Variants in FAM135B observed in about 807,000 individuals in gnomAD.
FAM135B encodes protein FAM135B.
FAM135B carries 43 observed loss-of-function variants against 127.7 expected under a neutral mutation model. The observed-to-expected ratio is 0.34, with a 90% CI of 0.26 to 0.43. The LOEUF is 0.43. Ranked by LOEUF, FAM135B falls within the 20% of genes least tolerant of loss-of-function variation. FAM135B has a pLI of 1.00. For synonymous variants in FAM135B, 670 were observed against 665.1 expected (o/e 1.01, Z -0.11); for missense variants, 1,558 against 1,725.6 (o/e 0.90, Z 1.72).
intron 1 of FAM135B, among the ~76,000 whole-genome samples, chr8:138,481,888 C>A (rs762120835): frequency 1.3e-5 from 2 of 152,138 alleles, no homozygotes. Flanking sequence ...CAAGGCCAGA[C>A]CTAACTTTAG....
rs752002338 is a variant in FAM135B, at chr8:138,299,955, GAGT to G, written c.157+10883_157+10885del. On this transcript the variant is annotated intron_variant, in intron 3 of 19. Coordinates refer to ENST00000395297, the MANE Select transcript of FAM135B (RefSeq NM_015912.4). Reference sequence around the variant, plus strand: ...TAGGAAGTGGGATCACCAAAAGTGAGAGTGGTATTTATTTATTTATTTATTTAT... The same window carrying G: ...TAGGAAGTGGGATCACCAAAAGTGAGGGTATTTATTTATTTATTTATTTAT... Among the ~76,000 whole-genome samples the G allele has an allele frequency of 1.1e-3, 165 of 151,572 alleles. 2 individuals carry two copies. The highest frequency in any genetic ancestry group is 1.4e-3 in the Non-Finnish European group (97 of 67,698).
At chr8:138,463,845 T>A (rs536272302) in intron 1 of FAM135B, among the ~76,000 whole-genome samples, 16 of 152,124 alleles carry the variant, frequency 1.1e-4, no homozygotes, top group Non-Finnish European at 1.8e-4. Context: ...TTTGAAGATA[T>A]AAAGAAAGGC....
chr8:138,203,153 G>C (rs538372770), intron 7 of FAM135B, among the ~76,000 whole-genome samples: 155 of 152,094 alleles, frequency 1.0e-3, no homozygotes, highest in Non-Finnish European at 1.7e-3. Context: ...AGCTTAGCTT[G>C]TTATCAACTC....
chr8:138,412,584 T>C (rs73432163), intron 1 of FAM135B, among the ~76,000 whole-genome samples: 12,315 of 152,186 alleles, frequency 0.081, 634 homozygotes, highest in East Asian at 0.2. Context: ...TGGTCCGACT[T>C]TGCTTCTGTC....
chr8:138,320,768 C>A (rs1326300112), intron 2 of FAM135B, among the ~76,000 whole-genome samples: 2 of 152,084 alleles, frequency 1.3e-5, no homozygotes, highest in Non-Finnish European at 2.9e-5. Flanking sequence ...CAATAAATGC[C>A]AGGTGAAGGA....
chr8:138,260,888 A>G (rs912836635), intron 4 of FAM135B, among the ~76,000 whole-genome samples: 19 of 152,056 alleles, frequency 1.2e-4, no homozygotes, highest in Non-Finnish European at 2.4e-4. Flanking sequence ...AAGGAAAAAT[A>G]TGACCTTTGG....
chr8:138,159,068 C>T (rs1226367856), intron 12 of FAM135B, among the ~76,000 whole-genome samples: 7 of 149,664 alleles, frequency 4.7e-5, no homozygotes, highest in East Asian at 2.0e-4. Context: ...GTCAGGAGAT[C>T]GAGACCATCC....
At chr8:138,309,235 G>T (rs750299844) in intron 3 of FAM135B, among the ~76,000 whole-genome samples, 6 of 152,018 alleles carry the variant, frequency 3.9e-5, no homozygotes, top group Non-Finnish European at 5.9e-5. Flanking sequence ...TTCTTCTGTT[G>T]GAAGGTAGGG....
chr8:138,471,811 T>A (rs187349864), intron 1 of FAM135B, among the ~76,000 whole-genome samples: 78 of 151,820 alleles, frequency 5.1e-4, no homozygotes, highest in Non-Finnish European at 1.0e-3. Context: ...ATTTAAGGAG[T>A]AAGCAAAGAA....
intron 2 of FAM135B, among the ~76,000 whole-genome samples, chr8:138,341,281 T>A (rs923122029): frequency 6.6e-6 from 1 of 152,216 alleles, no homozygotes; most frequent in Non-Finnish European, 1.5e-5. Context: ...CTTGAGGACA[T>A]TGTTGCCAAG....
chr8:138,229,582 C>T (rs1435158072), intron 7 of FAM135B, among the ~76,000 whole-genome samples: 4 of 152,090 alleles, frequency 2.6e-5, no homozygotes, highest in South Asian at 2.1e-4. Context: ...GGCAGTTTTA[C>T]GAAAAGCAGG....
At position 138,388,011 on chromosome 8, in the gene FAM135B, CTCAACA is replaced by C. The variant is rs534232371; in HGVS notation, c.-19-20015_-19-20010del. On this transcript the variant is annotated intron_variant, in intron 1 of 19. Coordinates refer to ENST00000395297, the MANE Select transcript of FAM135B (RefSeq NM_015912.4). ...TGGCCAACAGGTACATGAAAAGAGG[CTCAACA>C]TCATTAGTCATGAGGGGAATGCAAA... Among the ~76,000 whole-genome samples the C allele has an allele frequency of 2.4e-3, 369 of 152,256 alleles. 2 individuals are homozygous for C. Among genetic ancestry groups the C allele is most frequent in the Middle Eastern group, 0.01 (3 of 294 alleles).
At chr8:138,448,081 G>A (rs984159917) in intron 1 of FAM135B, among the ~76,000 whole-genome samples, 2 of 151,266 alleles carry the variant, frequency 1.3e-5, no homozygotes, top group African/African-American at 2.4e-5. Flanking sequence ...AAGTCATATG[G>A]CACAGAGCAG....
chr8:138,449,981 G>C (rs1348968943), intron 1 of FAM135B, among the ~76,000 whole-genome samples: 1 of 152,144 alleles, frequency 6.6e-6, no homozygotes, highest in East Asian at 1.9e-4. Flanking sequence ...GTATCATACA[G>C]AGTAGTTTCA....
At chr8:138,275,558 C>T (rs1364566379) in intron 3 of FAM135B, among the ~76,000 whole-genome samples, 1 of 151,852 alleles carries the variant, frequency 6.6e-6, no homozygotes, top group Non-Finnish European at 1.5e-5. Flanking sequence ...AGCTGGGCAC[C>T]GTGGTGTGTG....
chr8:138,292,826 T>G (rs1051679697), intron 3 of FAM135B, among the ~76,000 whole-genome samples: 6 of 152,100 alleles, frequency 3.9e-5, no homozygotes, highest in African/African-American at 1.4e-4. Flanking sequence ...CATTTGAAAC[T>G]GCCCAGAGCA....
chr8:138,407,860 T>C lies in FAM135B; in HGVS notation c.-19-39858A>G, dbSNP rs574382030. Among the ~76,000 whole-genome samples, 4 of 152,294 alleles carry C rather than the reference T, an allele frequency of 2.6e-5. No individual in the cohort carries two copies. In the East Asian group the frequency reaches 5.8e-4, roughly 22 times the overall value. Reference sequence around the variant, plus strand: ...GACATAGGCATGGGCAAGGACTTCATGTCTAAAACACCAAAAGCAATGGCA... The same window carrying C: ...GACATAGGCATGGGCAAGGACTTCACGTCTAAAACACCAAAAGCAATGGCA... On this transcript the variant is annotated intron_variant, in intron 1 of 19. Transcript: ENST00000395297.
chr8:138,454,673 T>C lies in FAM135B; in HGVS notation c.-20+41998A>G, dbSNP rs556602987. Among the ~76,000 whole-genome samples, 17 of 152,342 alleles carry C rather than the reference T, an allele frequency of 1.1e-4. No homozygotes were observed. The East Asian group carries it at 3.3e-3, about 29-fold the overall frequency. On this transcript the variant is annotated intron_variant, in intron 1 of 19. Transcript: ENST00000395297. ...GCAGGCAGGATTCTGTAAACATAGA[T>C]TTAGTTTCAGTCCATCTAGAGGAGT...
chr8:138,322,826 C>T (rs1319193180), intron 2 of FAM135B, among the ~76,000 whole-genome samples: 1 of 152,260 alleles, frequency 6.6e-6, no homozygotes, highest in East Asian at 1.9e-4. Context: ...CATAGCTAGC[C>T]CCCACCTGAC....
Sources: allele counts gnomAD v4.1 joint callset (sites outside exome capture counted in the v4.1 genomes callset), GRCh38; gene constraint gnomAD v4.1.1; transcripts MANE v1.5; gene names NCBI Gene and HGNC (gene_info 2026-07-23, HGNC 2026-07-21).